Variants in MNT observed in about 807,000 individuals in gnomAD.
MNT encodes MAX network transcriptional repressor.
A neutral mutation model predicts 40.7 loss-of-function variants in MNT; 13 were observed. The ratio of observed to expected loss-of-function variants is 0.32; its 90% CI spans 0.21 to 0.51. The LOEUF (loss-of-function observed/expected upper bound fraction) is 0.51. MNT is among the 20% of genes least tolerant of loss of function. The pLI, the probability that MNT is intolerant of heterozygous loss-of-function variation, is 0.98. For synonymous variants in MNT, 426 were observed against 354.8 expected, an observed-to-expected ratio of 1.20 and a Z score of -2.26; for missense variants, 757 against 792.0, an observed-to-expected ratio of 0.96 and a Z score of 0.53.
chr17:2,387,053 C>T lies in MNT; in HGVS notation c.1597G>A (p.Ala533Thr), dbSNP rs61733099. 5.1e-5 allele frequency: 79 copies of T among 1,557,404 alleles called. No individual in the cohort carries two copies. In the African/African-American group the frequency reaches 1.0e-3, roughly 21 times the overall value. Residue 533 changes from alanine to threonine, a missense_variant, in exon 6 of 6, where the codon GCC (alanine) becomes ACC (threonine). This residue lies in a region of MNT where 345 missense variants were observed against 380.1 expected (regional missense o/e 0.91). Transcript: ENST00000174618. ...ACAGTAGCCGGGGGCCCCAGGCCGG[C>T]CGTGCCGTTGACTTGCTGGTGCGAG... is the stretch of plus-strand genomic sequence containing the variant. ...TLSHQQVNGT[A>T]GLGPPATVMA...
At chr17:2,400,076 C>G (rs1307558986) in intron 1 of MNT, among the ~76,000 whole-genome samples, 1 of 152,216 alleles carries the variant, frequency 6.6e-6, no homozygotes, top group Non-Finnish European at 1.5e-5. Context: ...GCGCGTAGAT[C>G]TGCCGGGAGC....
Position 2,385,958 on chromosome 17 carries a change from C to G in MNT, c.*943G>C, listed in dbSNP as rs762797276. 15 of 152,378 alleles carry G rather than the reference C, an allele frequency of 9.8e-5. No homozygotes were observed. Among genetic ancestry groups the G allele is most frequent in the Non-Finnish European group, 1.9e-4 (13 of 68,134 alleles). The allele number at this position is 152,378 out of a possible 1,614,324, so 9.4% of individuals were successfully genotyped here. A position where few individuals can be genotyped will look rare whatever the true frequency, so the allele number is the denominator to read the frequency against. ...CTGTCCCTTGGAGCAGTGCCCAGCA[C>G]TCAGCAGAGGTCAGAGATCAGGGGC... is the stretch of plus-strand genomic sequence containing the variant. On this transcript the variant is annotated 3_prime_UTR_variant, in exon 6 of 6. Coordinates refer to ENST00000174618, the MANE Select transcript of MNT (RefSeq NM_020310.3).
rs776441329 is a variant in MNT, at chr17:2,387,648, C to T, written c.1002G>A (p.Glu334=). The change falls in exon 6 of 6, where the codon GAG becomes GAA. Residue 334 remains glutamate, a splice_region_variant and synonymous_variant. Coordinates refer to ENST00000174618, the MANE Select transcript of MNT (RefSeq NM_020310.3). ...TATCCTCGTCTATGTTGTCCTCACC[C>T]TCTGTGGGGAACATGGGGCAGGGAG... ...DDQASTSTAS[E]GEDNIDEDME... 5.0e-5 allele frequency: 80 copies of T among 1,613,860 alleles called. No homozygotes were observed. The Middle Eastern group carries it at 9.9e-4, about 20-fold the overall frequency.
chr17:2,391,452 T>G (rs533304479), intron 4 of MNT: 1 of 152,334 alleles, frequency 6.6e-6, no homozygotes, highest in South Asian at 2.1e-4. Flanking sequence ...GGTCAAAAGC[T>G]TCTTCTTCTC....
In MNT at chr17:2,395,247, A is replaced by C; in HGVS notation, c.281T>G (p.Val94Gly). The change falls in exon 2 of 6, where the codon GTG (valine) becomes GGG (glycine). Residue 94 changes from valine to glycine, a missense_variant. Around this residue, in one of 4 missense-constraint regions of MNT, gnomAD observed 335 missense variants for 291.4 expected, o/e 1.15. Coordinates refer to ENST00000174618, the MANE Select transcript of MNT (RefSeq NM_020310.3). The stretch of plus-strand genomic sequence containing the variant: ...GGGTAGAGGCTGAGGGGAGTTGGTC[A>C]CCACAGGGATAGGGATGACAGTCAG... Reference protein sequence around the residue: ...APLTVIPIPVVTNSPQPLPPP... With the variant: ...APLTVIPIPVGTNSPQPLPPP... 6.8e-7 allele frequency: 1 copy of C among 1,470,116 alleles called. No homozygotes were observed. Among genetic ancestry groups the C allele is most frequent in the Non-Finnish European group, 9.1e-7 (1 of 1,099,066 alleles). 91.1% of individuals were successfully genotyped at this position (1,470,116 alleles called of 1,614,324 possible).
intron 4 of MNT, chr17:2,391,083 G>A (rs1172088682): frequency 6.6e-6 from 1 of 152,410 alleles, no homozygotes; most frequent in Non-Finnish European, 1.5e-5. Flanking sequence ...CCGCCTCCCG[G>A]GTTCAAGCGA....
At chr17:2,388,208 G>GTC in intron 4 of MNT, 159 bp from the exon 5 acceptor site, 1 of 657,358 alleles carries the variant, frequency 1.5e-6, no homozygotes, top group Non-Finnish European at 2.5e-6. Context: ...ACCTGTTGTG[G>GTC]TCCATGCCCC....
In MNT at chr17:2,394,835, C is replaced by T. The variant is rs778565246; in HGVS notation, c.653+40G>A. The stretch of plus-strand genomic sequence containing the variant: ...CACAGCCCGGGGGATGGGCACCTCT[C>T]CTATCCCCCACCAGCCCGACCCCGC... On this transcript the variant is annotated intron_variant, in intron 2 of 5. Transcript: ENST00000174618. 49 of 1,480,294 alleles carry T rather than the reference C, an allele frequency of 3.3e-5. No individual in the cohort carries two copies. The African/African-American group carries it at 3.3e-4, about 10-fold the overall frequency. 91.7% of individuals were successfully genotyped at this position (1,480,294 alleles called of 1,614,324 possible). A position where few individuals can be genotyped will look rare whatever the true frequency, so the allele number is the denominator to read the frequency against.
At chr17:2,397,186 C>A (rs552006133) in intron 1 of MNT, among the ~76,000 whole-genome samples, 7 of 152,324 alleles carry the variant, frequency 4.6e-5, no homozygotes, top group African/African-American at 1.4e-4. Context: ...CAGGCCGGTG[C>A]AGGCCTGCTC....
rs752588567 is a variant in MNT, at chr17:2,386,859, C to A, written c.*42G>T. 6.9e-7 allele frequency: 1 copy of A among 1,439,824 alleles called. No individual in the cohort carries two copies. The highest frequency in any genetic ancestry group is 2.6e-5 in the East Asian group (1 of 39,182). The allele number at this position is 1,439,824 out of a possible 1,614,324, so 89.2% of individuals were successfully genotyped here. ...TGGGTGAGAGAGTGGGGGACAGGTC[C>A]CCCTCCCTGTCCCCACTGGGGGCCT... On this transcript the variant is annotated 3_prime_UTR_variant, in exon 6 of 6. Transcript: ENST00000174618.
rs2066473841 is a variant in MNT at position 2,387,359 on chromosome 17, C to A, written c.1291G>T (p.Val431Leu). 4 of 1,612,418 alleles carry A rather than the reference C, an allele frequency of 2.5e-6. No homozygotes were observed. The highest frequency in any genetic ancestry group is 3.4e-6 in the Non-Finnish European group (4 of 1,179,482). Reference protein sequence around the residue: ...QTLVPAPAHLVATAGGGSTVI... With the variant: ...QTLVPAPAHLLATAGGGSTVI... ...GTGGAGCCACCCCCAGCCGTCGCCACCAGATGGGCTGGAGCTGGCACCAGT... is the reference window on the plus strand; with the variant it reads ...GTGGAGCCACCCCCAGCCGTCGCCAACAGATGGGCTGGAGCTGGCACCAGT... Residue 431 changes from valine (V) to leucine (L), a missense_variant, in exon 6 of 6, where the codon GTG becomes TTG. By Grantham distance (32) the Val-to-Leu change is conservative (BLOSUM62 1). This residue lies in a region of MNT where 345 missense variants were observed against 380.1 expected (regional missense o/e 0.91). Coordinates refer to ENST00000174618, the MANE Select transcript of MNT (RefSeq NM_020310.3).
At chr17:2,393,958 G>GAGGGC (rs1054404760) in intron 4 of MNT, 85 bp downstream of exon 4, 3 of 878,784 alleles carry the variant, frequency 3.4e-6, no homozygotes, top group Non-Finnish European at 3.1e-6. Flanking sequence ...GCCGGGGCGT[G>GAGGGC]AGGGCGGGGC....
At chr17:2,389,022 C>G (rs538269592) in intron 4 of MNT, among the ~76,000 whole-genome samples, 1 of 152,200 alleles carries the variant, frequency 6.6e-6, no homozygotes, top group African/African-American at 2.4e-5. Context: ...CTCACCAGCC[C>G]GCCTTGGTTT....
At chr17:2,388,897 A>G in intron 4 of MNT, among the ~76,000 whole-genome samples, 1 of 152,104 alleles carries the variant, frequency 6.6e-6, no homozygotes, top group East Asian at 1.9e-4. Context: ...GGCAACGCCG[A>G]CACGTGTCCT....
Position 2,400,784 on chromosome 17 carries a change from C to T in MNT, c.-72G>A. 1 of 1,371,532 alleles carries T rather than the reference C, an allele frequency of 7.3e-7. No individual in the cohort carries two copies. Among genetic ancestry groups the T allele is most frequent in the East Asian group, 3.0e-5 (1 of 33,380 alleles). The allele number at this position is 1,371,532 out of a possible 1,614,324, so 85.0% of individuals were successfully genotyped here. On this transcript the variant is annotated 5_prime_UTR_variant, in exon 1 of 6. Transcript: ENST00000174618. ...GCGAGCCGGGCACAGGTCAGGCTGG[C>T]GGGCAGGCAGGAGGGAGGGATCACC...
At position 2,400,856 on chromosome 17, in the gene MNT, G is replaced by A. The variant is rs562779545; in HGVS notation, c.-144C>T. The A allele has an allele frequency of 6.2e-4, 298 of 481,102 alleles. 1 individual carries two copies. In the East Asian group the frequency reaches 0.011, roughly 17 times the overall value. The allele number at this position is 481,102 out of a possible 1,614,324, so 29.8% of individuals were successfully genotyped here. The stretch of plus-strand genomic sequence containing the variant: ...GCGGCGCAGCGCACTCCGCAGGGAA[G>A]AACGGGGGAGCACGGGGAGAAAAAT... On this transcript the variant is annotated 5_prime_UTR_variant, in exon 1 of 6. Coordinates refer to ENST00000174618, the MANE Select transcript of MNT (RefSeq NM_020310.3).
intron 1 of MNT, among the ~76,000 whole-genome samples, chr17:2,396,139 G>C (rs2066577167): frequency 6.6e-6 from 1 of 152,312 alleles, no homozygotes. Context: ...TCACATCATG[G>C]GCAGGACAGG....
chr17:2,387,087 G>A lies in MNT; in HGVS notation c.1563C>T (p.Ala521=), dbSNP rs1168952811. ...TGACTTGCTGGTGCGAGAGGGTGTG[G>A]GCGATGTGGCTCACTGCCACGGGCT... ...YPQPVAVSHI[A]HTLSHQQVNG... Residue 521 remains alanine, a synonymous_variant, in exon 6 of 6, where the codon GCC becomes GCT. Transcript: ENST00000174618. 2 of 1,572,996 alleles carry A rather than the reference G, an allele frequency of 1.3e-6. No homozygotes were observed. Among genetic ancestry groups the A allele is most frequent in the Non-Finnish European group, 8.6e-7 (1 of 1,159,546 alleles).
chr17:2,394,360 A>G lies in MNT; in HGVS notation c.654-14T>C. The G allele has an allele frequency of 1.2e-6, 2 of 1,613,966 alleles. No individual in the cohort carries two copies. The highest frequency in any genetic ancestry group is 1.7e-6 in the Non-Finnish European group (2 of 1,179,980). ...CTGGTTCCGATCCTGAAACCCAGAC[A>G]GATAGGAGGCTCAGGGAGGAGGACT... On this transcript the variant is annotated splice_polypyrimidine_tract_variant and intron_variant, in intron 2 of 5. Transcript: ENST00000174618.
Sources: allele counts gnomAD v4.1 joint callset (sites outside exome capture counted in the v4.1 genomes callset), GRCh38; gene constraint gnomAD v4.1.1; regional missense constraint gnomAD v4.1.1; transcripts MANE v1.5; gene names NCBI Gene and HGNC (gene_info 2026-07-23, HGNC 2026-07-21).